Variants in SLC31A2 observed in about 807,000 individuals in gnomAD.
The protein encoded by SLC31A2 is solute carrier family 31 member 2.
A neutral mutation model predicts 14.4 loss-of-function variants in SLC31A2; 16 were observed. That is an observed-to-expected ratio of 1.11 (90% confidence interval 0.75 to 1.69). The LOEUF is 1.69. SLC31A2 is among the 40% of genes most tolerant of loss of function. The probability of loss-of-function intolerance (pLI) is 0.00; values close to 1 mark genes in which losing one functional copy is unlikely to be tolerated. For missense variants in SLC31A2, 140 were observed against 173.9 expected (o/e 0.81, Z 1.10); for synonymous variants, 56 against 68.7 (o/e 0.82, Z 0.91).
intron 2 of SLC31A2, 153 bp downstream of exon 2, chr9:113,157,946 T>C (rs1829955445): frequency 1.4e-6 from 1 of 711,094 alleles, no homozygotes; most frequent in East Asian, 2.8e-5. Flanking sequence ...TATAATTCCA[T>C]TTGTAACCAC....
intron 2 of SLC31A2, among the ~76,000 whole-genome samples, chr9:113,158,867 G>A (rs1829968274): frequency 6.6e-6 from 1 of 152,176 alleles, no homozygotes; most frequent in South Asian, 2.1e-4. Context: ...CAGGAGTGTT[G>A]ACATCATAAG....
At position 113,161,597 on chromosome 9, in the gene SLC31A2, A is replaced by G. The variant is rs2118837210; in HGVS notation, c.162A>G (p.Val54=). ...GCAAAGCCAAGCTGCTCAACCAGGT[A>G]CTGGTGAACCTGCCAACCTCCATCA... is the stretch of plus-strand genomic sequence containing the variant. ...KVGKAKLLNQ[V]LVNLPTSISQ... is the part of the protein sequence containing the mutation. The change falls in exon 3 of 4, where the codon GTA becomes GTG. Residue 54 remains valine, a synonymous_variant. Coordinates refer to ENST00000259392, the MANE Select transcript of SLC31A2 (RefSeq NM_001860.3). 6.2e-7 allele frequency: 1 copy of G among 1,614,030 alleles called. No individual in the cohort carries two copies. The highest frequency in any genetic ancestry group is 8.5e-7 in the Non-Finnish European group (1 of 1,179,888).
At chr9:113,157,929 T>G in intron 2 of SLC31A2, 136 bp downstream of exon 2, 1 of 725,894 alleles carries the variant, frequency 1.4e-6, no homozygotes, top group Non-Finnish European at 2.5e-6. Context: ...AGCAGGAACT[T>G]CACAGTTATA....
chr9:113,157,766 G>T lies in SLC31A2; in HGVS notation c.46G>T (p.Asp16Tyr). ...CTCAGATACAGCGGTGCTTCTGTTT[G>T]ATTTCTGGAGTGTCCACAGTCCTGC... ...IFSDTAVLLF[D>Y]FWSVHSPAGM... is the part of the protein sequence containing the mutation. Residue 16 changes from aspartate (D) to tyrosine (Y), a missense_variant, in exon 2 of 4, where the codon GAT (aspartate) becomes TAT (tyrosine). Physicochemically the swap from Asp to Tyr is radical, Grantham distance 160. Transcript: ENST00000259392. 6.2e-7 allele frequency: 1 copy of T among 1,613,134 alleles called. No individual in the cohort carries two copies. The highest frequency in any genetic ancestry group is 8.5e-7 in the Non-Finnish European group (1 of 1,179,540).
At chr9:113,158,028 T>TC in intron 2 of SLC31A2, 1 of 603,606 alleles carries the variant, frequency 1.7e-6, no homozygotes, top group South Asian at 1.5e-5. Flanking sequence ...GGAGGCAGCT[T>TC]TTCCCTCTGT....
chr9:113,159,344 GCTGGT>G (rs1829976167), intron 2 of SLC31A2, among the ~76,000 whole-genome samples: 1 of 152,022 alleles, frequency 6.6e-6, no homozygotes, highest in Non-Finnish European at 1.5e-5. Context: ...CGTTGGCCAG[GCTGGT>G]CTCAAACTCC....
chr9:113,155,811 C>T (rs1829925705), intron 1 of SLC31A2, among the ~76,000 whole-genome samples: 1 of 152,158 alleles, frequency 6.6e-6, no homozygotes, highest in African/African-American at 2.4e-5. Context: ...TGAGCCCTTA[C>T]TGTGTGTCAC....
rs986452849 is a variant in SLC31A2 at position 113,163,076 on chromosome 9, C to T, written c.*159C>T. The T allele has an allele frequency of 5.6e-5, 36 of 642,990 alleles. No individual in the cohort carries two copies. Among genetic ancestry groups the T allele is most frequent in the East Asian group, 4.1e-4 (13 of 31,804 alleles). 39.8% of individuals were successfully genotyped at this position (642,990 alleles called of 1,614,324 possible). A position where few individuals can be genotyped will look rare whatever the true frequency, so the allele number is the denominator to read the frequency against. ...AAGCCAGCACTTGCTCCCTGGAGTT[C>T]GGAAGCCATTGCAGCAACCTTCCTT... On this transcript the variant is annotated 3_prime_UTR_variant, in exon 4 of 4. Transcript: ENST00000259392.
At chr9:113,161,822 T>A in intron 3 of SLC31A2, 124 bp downstream of exon 3, 1 of 1,090,136 alleles carries the variant, frequency 9.2e-7, no homozygotes, top group Non-Finnish European at 1.4e-6. Context: ...GGACCAGGAC[T>A]TGCCAAAGTG....
At chr9:113,161,337 T>G (rs1257096947) in intron 2 of SLC31A2, 172 bp from the exon 3 acceptor site, 1 of 645,354 alleles carries the variant, frequency 1.5e-6, no homozygotes, top group Non-Finnish European at 2.6e-6. Flanking sequence ...AAAGCCACAC[T>G]CCAGCTAAGA....
rs773463013 is a variant in SLC31A2, at chr9:113,151,028, A to C, written c.-47A>C. ...GGTTGAACTGACTCGGAGCGAGGAG[A>C]CCCGAGCGAGCAGACGCGGCCCTGG... On this transcript the variant is annotated 5_prime_UTR_variant, in exon 1 of 4. Transcript: ENST00000259392. The surrounding 1 kb of genome is among the most constrained non-coding windows in gnomAD (Gnocchi z 4.2). The C allele has an allele frequency of 2.6e-4, 340 of 1,296,692 alleles. 2 individuals are homozygous for C. The highest frequency in any genetic ancestry group is 1.2e-5 in the Non-Finnish European group (12 of 1,017,038). The allele number at this position is 1,296,692 out of a possible 1,614,324, so 80.3% of individuals were successfully genotyped here. A position where few individuals can be genotyped will look rare whatever the true frequency, so the allele number is the denominator to read the frequency against.
At chr9:113,161,108 TCC>T (rs1830005081) in intron 2 of SLC31A2, 1 of 163,704 alleles carries the variant, frequency 6.1e-6, no homozygotes, top group African/African-American at 2.4e-5. Context: ...ACCACCTGTA[TCC>T]TACTTTGCTG....
At position 113,151,023 on chromosome 9, in the gene SLC31A2, A is replaced by G; in HGVS notation, c.-52A>G. ...GCGGCGGTTGAACTGACTCGGAGCGAGGAGACCCGAGCGAGCAGACGCGGC... is the reference window on the plus strand; with the variant it reads ...GCGGCGGTTGAACTGACTCGGAGCGGGGAGACCCGAGCGAGCAGACGCGGC... On this transcript the variant is annotated 5_prime_UTR_variant, in exon 1 of 4. Transcript: ENST00000259392. The surrounding 1 kb of genome is among the most constrained non-coding windows in gnomAD (Gnocchi z 4.2). 4 of 1,294,878 alleles carry G rather than the reference A, an allele frequency of 3.1e-6. No individual in the cohort carries two copies. The highest frequency in any genetic ancestry group is 3.0e-6 in the Non-Finnish European group (3 of 1,016,172). The allele number at this position is 1,294,878 out of a possible 1,614,324, so 80.2% of individuals were successfully genotyped here.
chr9:113,158,224 T>A (rs1341046147), intron 2 of SLC31A2: 1 of 350,228 alleles, frequency 2.9e-6, no homozygotes, highest in Non-Finnish European at 6.0e-6. Context: ...GAGACACCAA[T>A]TTGAAAGGAA....
At chr9:113,154,414 C>T (rs1829907853) in intron 1 of SLC31A2, among the ~76,000 whole-genome samples, 1 of 152,200 alleles carries the variant, frequency 6.6e-6, no homozygotes, top group African/African-American at 2.4e-5. Flanking sequence ...GCTTTAGAGA[C>T]CGTGCCCCTA....
intron 2 of SLC31A2, among the ~76,000 whole-genome samples, chr9:113,159,611 T>C (rs1216843839): frequency 6.6e-6 from 1 of 152,180 alleles, no homozygotes; most frequent in Non-Finnish European, 1.5e-5. Flanking sequence ...TGACCAGATG[T>C]GTAGGCTTTC....
chr9:113,161,949 T>C (rs1311084051), intron 3 of SLC31A2: 10 of 597,682 alleles, frequency 1.7e-5, no homozygotes, highest in Non-Finnish European at 2.7e-5. Context: ...ACAGTGATCT[T>C]CAGGTGCAGG....
Position 113,163,075 on chromosome 9 carries a change from T to C in SLC31A2, c.*158T>C. On this transcript the variant is annotated 3_prime_UTR_variant, in exon 4 of 4. Coordinates refer to ENST00000259392, the MANE Select transcript of SLC31A2 (RefSeq NM_001860.3). The stretch of plus-strand genomic sequence containing the variant: ...GAAGCCAGCACTTGCTCCCTGGAGT[T>C]CGGAAGCCATTGCAGCAACCTTCCT... 1 of 647,656 alleles carries C rather than the reference T, an allele frequency of 1.5e-6. No individual in the cohort carries two copies. Among genetic ancestry groups the C allele is most frequent in the Non-Finnish European group, 2.5e-6 (1 of 405,098 alleles). 40.1% of individuals were successfully genotyped at this position (647,656 alleles called of 1,614,324 possible). A position where few individuals can be genotyped will look rare whatever the true frequency, so the allele number is the denominator to read the frequency against.
intron 1 of SLC31A2, among the ~76,000 whole-genome samples, chr9:113,153,168 A>T: frequency 6.7e-6 from 1 of 148,436 alleles, no homozygotes; most frequent in Non-Finnish European, 1.5e-5. Context: ...GAGTAGTAAG[A>T]CTCAAAATGA....
Sources: gnomAD v4.1 joint callset for allele counts (sites outside exome capture counted in the v4.1 genomes callset) on GRCh38, gnomAD v4.1.1 for gene constraint, Gnocchi (gnomAD v3.1) non-coding constraint, MANE v1.5 for transcripts, NCBI Gene and HGNC (gene_info 2026-07-23, HGNC 2026-07-21) for gene names.